The following CORIN variants were observed in gnomAD, a reference collection of about 807,000 sequenced individuals.
CORIN encodes atrial natriuretic peptide-converting enzyme.
Under a neutral mutation model 125.3 loss-of-function variants are expected in CORIN, and 117 were observed. The observed-to-expected ratio is 0.93, with a 90% confidence interval of 0.80 to 1.09. CORIN has a LOEUF of 1.09. CORIN is among the 50% of genes least tolerant of loss of function. The probability of loss-of-function intolerance (pLI) is 0.00; values close to 1 mark genes in which losing one functional copy is unlikely to be tolerated. For missense variants in CORIN, 1,253 were observed against 1,306.7 expected (o/e 0.96, Z 0.63); for synonymous variants, 450 against 466.4 (o/e 0.96, Z 0.45).
chr4:47,642,775 G>A, intron 15 of CORIN: 1 of 1,300,864 alleles, frequency 7.7e-7, no homozygotes, highest in South Asian at 1.6e-5. Context: ...GGAAGGCAGA[G>A]GGGCCACTTG....
chr4:47,768,226 C>G (rs548663548), intron 3 of CORIN, among the ~76,000 whole-genome samples: 2 of 152,176 alleles, frequency 1.3e-5, no homozygotes, highest in Non-Finnish European at 2.9e-5. Flanking sequence ...CGCTAACTCT[C>G]TTTTCGGACT....
chr4:47,790,650 G>A (rs1468295772), intron 2 of CORIN, among the ~76,000 whole-genome samples: 1 of 152,056 alleles, frequency 6.6e-6, no homozygotes, highest in Non-Finnish European at 1.5e-5. Flanking sequence ...TAAGTTCTCC[G>A]TAACTGTTAG....
At chr4:47,770,450 T>C (rs1171975533) in intron 3 of CORIN, among the ~76,000 whole-genome samples, 2 of 152,196 alleles carry the variant, frequency 1.3e-5, no homozygotes, top group African/African-American at 2.4e-5. Flanking sequence ...GTAGCCATTA[T>C]GGAAGACAGT....
At chr4:47,623,204 C>T (rs900750383) in intron 19 of CORIN, among the ~76,000 whole-genome samples, 14 of 151,678 alleles carry the variant, frequency 9.2e-5, no homozygotes, top group Admixed American at 2.0e-4. Context: ...TCACCAGTTG[C>T]GCCTGCATCC....
intron 21 of CORIN, among the ~76,000 whole-genome samples, chr4:47,597,007 A>T (rs934247043): frequency 6.6e-6 from 1 of 152,176 alleles, no homozygotes; most frequent in Admixed American, 6.6e-5. Flanking sequence ...CAACTCTATA[A>T]CTACTAGGCT....
At chr4:47,780,593 C>T in intron 3 of CORIN, among the ~76,000 whole-genome samples, 1 of 152,018 alleles carries the variant, frequency 6.6e-6, no homozygotes, top group South Asian at 2.1e-4. Flanking sequence ...AAAAAACTGT[C>T]AAAGTTAATT....
chr4:47,750,819 G>A (rs916365406), intron 4 of CORIN, among the ~76,000 whole-genome samples: 2 of 152,154 alleles, frequency 1.3e-5, no homozygotes, highest in African/African-American at 2.4e-5. Flanking sequence ...CTGTTGAAGC[G>A]GCCTCCCCTG....
At chr4:47,835,282 G>A (rs755567374) in intron 1 of CORIN, among the ~76,000 whole-genome samples, 5 of 152,168 alleles carry the variant, frequency 3.3e-5, no homozygotes, top group Non-Finnish European at 7.4e-5. Context: ...GCCAAGAATA[G>A]TGATGGGGCT....
intron 5 of CORIN, among the ~76,000 whole-genome samples, chr4:47,722,411 T>C (rs1727388865): frequency 6.6e-6 from 1 of 152,236 alleles, no homozygotes; most frequent in Non-Finnish European, 1.5e-5. Context: ...TGTTCCTTTT[T>C]TTCATCTGAC....
At position 47,744,599 on chromosome 4, in the gene CORIN, G is replaced by A; in HGVS notation, c.618-16C>T. 5 of 1,472,556 alleles carry A rather than the reference G, an allele frequency of 3.4e-6. No homozygotes were observed. Among genetic ancestry groups the A allele is most frequent in the Admixed American group, 2.2e-5 (1 of 46,164 alleles). The allele number at this position is 1,472,556 out of a possible 1,614,324, so 91.2% of individuals were successfully genotyped here. On this transcript the variant is annotated splice_polypyrimidine_tract_variant and intron_variant, in intron 4 of 21. Transcript: ENST00000273857. ...GAGTCCATGACTAAAAAAAAAAAAA[G>A]AGAAAGGTGAAAATTAGTGTCTTTA...
intron 19 of CORIN, among the ~76,000 whole-genome samples, chr4:47,615,642 A>G (rs1722042152): frequency 6.6e-6 from 1 of 152,328 alleles, no homozygotes; most frequent in South Asian, 2.1e-4. Flanking sequence ...TCCTGCTTCT[A>G]CAGGCCAAGG....
chr4:47,642,852 G>C (rs1723290406), intron 15 of CORIN: 7 of 1,452,724 alleles, frequency 4.8e-6, no homozygotes, highest in Non-Finnish European at 5.4e-6. Flanking sequence ...TATTGAAGTT[G>C]GGTTTTAATG....
rs1721223040 is a variant in CORIN, at chr4:47,595,696, CAA to C, written c.*23_*24del. ...GGCCATTTTCTTTTAGTGTAGCTGG[CAA>C]AAGTCTCTGATCATCCTTATAATTA... On this transcript the variant is annotated 3_prime_UTR_variant, in exon 22 of 22. Transcript: ENST00000273857. The C allele has an allele frequency of 6.4e-7, 1 of 1,566,862 alleles. No individual in the cohort carries two copies. The highest frequency in any genetic ancestry group is 8.6e-7 in the Non-Finnish European group (1 of 1,158,484).
At chr4:47,692,912 T>C (rs551816081) in intron 6 of CORIN, 58 bp downstream of exon 6, 63 of 1,272,556 alleles carry the variant, frequency 5.0e-5, no homozygotes, top group Non-Finnish European at 6.4e-5. Flanking sequence ...TGCTGATGAT[T>C]GTCAGGATTT....
At chr4:47,735,119 A>G (rs749490965) in intron 5 of CORIN, among the ~76,000 whole-genome samples, 1 of 152,246 alleles carries the variant, frequency 6.6e-6, no homozygotes, top group Admixed American at 6.5e-5. Flanking sequence ...TTAAGACTGT[A>G]TTATATAATA....
chr4:47,611,623 A>G (rs1041530778), intron 19 of CORIN, among the ~76,000 whole-genome samples: 3 of 152,118 alleles, frequency 2.0e-5, no homozygotes, highest in Non-Finnish European at 4.4e-5. Context: ...AAAACTTCCA[A>G]TATTGTGTTG....
intron 5 of CORIN, among the ~76,000 whole-genome samples, chr4:47,733,891 T>C (rs973521800): frequency 2.6e-5 from 4 of 152,172 alleles, no homozygotes; most frequent in Non-Finnish European, 5.9e-5. Flanking sequence ...TTAAAGGATA[T>C]TAAGAGAAGA....
At chr4:47,722,774 T>C (rs1308432419) in intron 5 of CORIN, among the ~76,000 whole-genome samples, 1 of 152,184 alleles carries the variant, frequency 6.6e-6, no homozygotes, top group Non-Finnish European at 1.5e-5. Context: ...AGTAAAAATG[T>C]CCCACCTTAC....
Position 47,689,208 on chromosome 4 carries a change from C to T in CORIN, c.913+3762G>A, listed in dbSNP as rs566618456. 9.2e-5 allele frequency among the ~76,000 whole-genome samples: 14 copies of T among 152,242 alleles called. No homozygotes were observed. The East Asian group carries it at 1.7e-3, about 19-fold the overall frequency. On this transcript the variant is annotated intron_variant, in intron 6 of 21. Coordinates refer to ENST00000273857, the MANE Select transcript of CORIN (RefSeq NM_006587.4). ...CAACAGTGACAACAACAGTCACGAC[C>T]GCAAATCCTAGTGCTTTTTGAGACT...
Sources: allele counts gnomAD v4.1 joint callset (sites outside exome capture counted in the v4.1 genomes callset), GRCh38; gene constraint gnomAD v4.1.1; transcripts MANE v1.5; gene names NCBI Gene and HGNC (gene_info 2026-07-23, HGNC 2026-07-21).